Variants in DNAJB6 observed in about 807,000 individuals in gnomAD.
The protein encoded by DNAJB6 is dnaJ homolog subfamily B member 6.
Under a neutral mutation model 42.7 loss-of-function variants are expected in DNAJB6, and 16 were observed. The observed-to-expected ratio is 0.37, with a 90% CI of 0.25 to 0.57. The LOEUF (loss-of-function observed/expected upper bound fraction) is 0.57. DNAJB6 is among the 20% of genes least tolerant of loss of function. The pLI is 0.74. For missense variants in DNAJB6, 347 were observed against 416.8 expected, an observed-to-expected ratio of 0.83 and a Z score of 1.46; for synonymous variants, 170 against 163.5, an observed-to-expected ratio of 1.04 and a Z score of -0.30.
At chr7:157,404,504 C>CTT (rs1795678967) in intron 8 of DNAJB6, among the ~76,000 whole-genome samples, 1 of 97,316 alleles carries the variant, frequency 1.0e-5, no homozygotes, top group Non-Finnish European at 2.1e-5. Flanking sequence ...TGGGGTCTGT[C>CTT]TTTTTTCTTT....
At chr7:157,388,138 G>T (rs569163284) in intron 8 of DNAJB6, among the ~76,000 whole-genome samples, 13 of 152,280 alleles carry the variant, frequency 8.5e-5, no homozygotes, top group Admixed American at 6.5e-5. Flanking sequence ...GAGCCACTGC[G>T]CCTGGCTGAG....
intron 8 of DNAJB6, among the ~76,000 whole-genome samples, chr7:157,391,177 A>G (rs1801322776): frequency 6.6e-6 from 1 of 152,156 alleles, no homozygotes; most frequent in Non-Finnish European, 1.5e-5. Context: ...GCTGGTAGGA[A>G]CAGCAGTTGG....
intron 8 of DNAJB6, among the ~76,000 whole-genome samples, chr7:157,397,195 G>T (rs1801631544): frequency 6.6e-6 from 1 of 152,330 alleles, no homozygotes; most frequent in South Asian, 2.1e-4. Flanking sequence ...CCCGAGCGGC[G>T]TGCTTCCTGG....
intron 8 of DNAJB6, among the ~76,000 whole-genome samples, chr7:157,402,703 A>C (rs1260614371): frequency 6.6e-6 from 1 of 152,234 alleles, no homozygotes; most frequent in Non-Finnish European, 1.5e-5. Flanking sequence ...CCTACGGTGC[A>C]TGGGTGGTCC....
intron 8 of DNAJB6, among the ~76,000 whole-genome samples, chr7:157,400,037 T>A (rs994346143): frequency 2.0e-5 from 3 of 152,214 alleles, no homozygotes; most frequent in Admixed American, 1.3e-4. Context: ...TTTTGTTTAG[T>A]TGGGGAAAGT....
chr7:157,352,950 A>C (rs894828712), intron 1 of DNAJB6, among the ~76,000 whole-genome samples: 1 of 152,152 alleles, frequency 6.6e-6, no homozygotes, highest in South Asian at 2.1e-4. Context: ...TAAATCCTTG[A>C]TTCTTAGTGC....
intron 8 of DNAJB6, among the ~76,000 whole-genome samples, chr7:157,404,468 T>C (rs1418292633): frequency 9.3e-4 from 2 of 2,146 alleles, no homozygotes; most frequent in East Asian, 0.033. Flanking sequence ...ATTTTTGTCT[T>C]TTTTTTTTTT....
intron 9 of DNAJB6, chr7:157,411,329 AC>A (rs768530960): frequency 2.8e-5 from 4 of 144,168 alleles, no homozygotes; most frequent in Admixed American, 6.8e-5. Flanking sequence ...GAGACTCCCC[AC>A]GGTTCCCTGC....
intron 1 of DNAJB6, among the ~76,000 whole-genome samples, chr7:157,344,388 C>T (rs1472543813): frequency 6.6e-6 from 1 of 151,824 alleles, no homozygotes; most frequent in Non-Finnish European, 1.5e-5. Flanking sequence ...TGGGACACAC[C>T]TGTAGTCCCA....
intron 1 of DNAJB6, among the ~76,000 whole-genome samples, chr7:157,350,332 CT>C (rs1425730618): frequency 6.6e-6 from 1 of 152,186 alleles, no homozygotes; most frequent in Non-Finnish European, 1.5e-5. Flanking sequence ...GACAGAAAAA[CT>C]TGCCAAGATA....
At chr7:157,400,577 C>T (rs548306326) in intron 8 of DNAJB6, among the ~76,000 whole-genome samples, 112 of 152,372 alleles carry the variant, frequency 7.4e-4, no homozygotes, top group African/African-American at 2.5e-3. Context: ...TGTTTACGTT[C>T]TTGGCTCTGG....
At position 157,389,414 on chromosome 7, in the gene DNAJB6, A is replaced by G. The variant is rs142738271; in HGVS notation, c.691+3803A>G. The stretch of plus-strand genomic sequence containing the variant: ...TGACAGAATGGAGGCAGATGTTGTT[A>G]TTTCGGAGGTTTTCAAGCACAAAAT... On this transcript the variant is annotated intron_variant, in intron 8 of 9. Coordinates refer to ENST00000262177, the MANE Select transcript of DNAJB6 (RefSeq NM_058246.4). Among the ~76,000 whole-genome samples the G allele has an allele frequency of 1.3e-3, 192 of 152,304 alleles. 2 individuals are homozygous for G. Among genetic ancestry groups the G allele is most frequent in the African/African-American group, 4.5e-3 (187 of 41,560 alleles).
At chr7:157,374,951 C>T (rs145840026) in intron 5 of DNAJB6, among the ~76,000 whole-genome samples, 148 of 152,304 alleles carry the variant, frequency 9.7e-4, no homozygotes, top group African/African-American at 3.4e-3. Flanking sequence ...TTTGGGTTTT[C>T]GCATCATCTG....
At chr7:157,343,871 G>GT (rs1798547648) in intron 1 of DNAJB6, among the ~76,000 whole-genome samples, 2 of 152,046 alleles carry the variant, frequency 1.3e-5, no homozygotes, top group South Asian at 4.2e-4. Flanking sequence ...GAGATTTTTC[G>GT]TTTTTTTAAA....
chr7:157,408,015 A>G (rs1191182628), intron 8 of DNAJB6, among the ~76,000 whole-genome samples: 3 of 151,972 alleles, frequency 2.0e-5, no homozygotes, highest in African/African-American at 7.3e-5. Flanking sequence ...TACTTCACTC[A>G]CGTCATAGAA....
At chr7:157,365,787 C>G (rs1334694530) in intron 3 of DNAJB6, among the ~76,000 whole-genome samples, 1 of 152,126 alleles carries the variant, frequency 6.6e-6, no homozygotes, top group Non-Finnish European at 1.5e-5. Flanking sequence ...GCTTCAGTCC[C>G]CTGAGTAGCT....
chr7:157,368,915 C>T (rs961496735), intron 5 of DNAJB6: 15 of 208,456 alleles, frequency 7.2e-5, no homozygotes, highest in Non-Finnish European at 1.3e-4. Flanking sequence ...GCCGCAGGCA[C>T]GAAGAAGCAT....
chr7:157,354,367 G>A (rs1337572671), intron 1 of DNAJB6, among the ~76,000 whole-genome samples: 1 of 152,066 alleles, frequency 6.6e-6, no homozygotes, highest in Non-Finnish European at 1.5e-5. Context: ...GGCTGGTCTC[G>A]AACTCCCGAC....
chr7:157,351,826 CAAAAA>C (rs996485348), intron 1 of DNAJB6, among the ~76,000 whole-genome samples: 1 of 148,864 alleles, frequency 6.7e-6, no homozygotes, highest in African/African-American at 2.5e-5. Flanking sequence ...AAAAACAAAA[CAAAAA>C]AAACCACAAA....
Sources: allele counts gnomAD v4.1 joint callset (sites outside exome capture counted in the v4.1 genomes callset), GRCh38; gene constraint gnomAD v4.1.1; transcripts MANE v1.5; gene names NCBI Gene and HGNC (gene_info 2026-07-23, HGNC 2026-07-21).